The following STK32C variants were observed in gnomAD, a reference collection of about 807,000 sequenced individuals.
STK32C encodes the protein serine/threonine kinase 32C.
STK32C carries 31 observed loss-of-function variants against 56.5 expected under a neutral mutation model. The observed-to-expected ratio is 0.55, with a 90% confidence interval of 0.41 to 0.74. The LOEUF (loss-of-function observed/expected upper bound fraction) is 0.74. STK32C is among the 30% of genes least tolerant of loss of function. The pLI is 0.00. For synonymous variants in STK32C, 309 were observed against 289.4 expected (o/e 1.07, Z -0.69); for missense variants, 544 against 676.9 (o/e 0.80, Z 2.18).
chr10:132,307,786 C>T lies in STK32C; in HGVS notation c.48G>A (p.Pro16=), dbSNP rs2066125150. 1.0e-6 allele frequency: 1 copy of T among 993,198 alleles called. No individual in the cohort carries two copies. Among genetic ancestry groups the T allele is most frequent in the Non-Finnish European group, 1.2e-6 (1 of 836,916 alleles). 61.5% of individuals were successfully genotyped at this position (993,198 alleles called of 1,614,324 possible). ...GCGCGCGGCCGGGGGGCGGCGAGCC[C>T]GGGGACGCCGCGGCGCTGCTGCCCC... ...ERRGSSAAAS[P]GSPPPGRARP... Residue 16 remains proline, a synonymous_variant, in exon 1 of 12, where the codon CCG becomes CCA. Transcript: ENST00000298630. This position sits in a 1 kb window ranked among gnomAD's most constrained non-coding sequence, Gnocchi z 4.4.
At chr10:132,304,558 CAAAG>C (rs1490203194) in intron 1 of STK32C, among the ~76,000 whole-genome samples, 1 of 152,202 alleles carries the variant, frequency 6.6e-6, no homozygotes, top group Non-Finnish European at 1.5e-5. Context: ...CTTCTGCTAA[CAAAG>C]AGAGAGTGTT....
At chr10:132,327,537 A>C (rs561616380) in intron 1 of STK32C, among the ~76,000 whole-genome samples, 1 of 151,902 alleles carries the variant, frequency 6.6e-6, no homozygotes, top group South Asian at 2.1e-4. Flanking sequence ...GTGCAGTGGC[A>C]TGCTCTCGGC....
At chr10:132,305,421 A>G (rs1424432997) in intron 1 of STK32C, among the ~76,000 whole-genome samples, 1 of 152,194 alleles carries the variant, frequency 6.6e-6, no homozygotes, top group Non-Finnish European at 1.5e-5. Flanking sequence ...ACTAAATTTG[A>G]TATATTAATT....
At chr10:132,327,723 C>A (rs550258968) in intron 1 of STK32C, among the ~76,000 whole-genome samples, 1 of 152,076 alleles carries the variant, frequency 6.6e-6, no homozygotes, top group East Asian at 1.9e-4. Flanking sequence ...GTGATCCGCC[C>A]GCCTCAGCCT....
At chr10:132,267,983 G>A (rs1338528650) in intron 1 of STK32C, among the ~76,000 whole-genome samples, 4 of 37,228 alleles carry the variant, frequency 1.1e-4, no homozygotes, top group Admixed American at 2.1e-4. Flanking sequence ...GTCCCACATC[G>A]TGTGTGTGTG....
At chr10:132,280,287 G>C (rs537296072) in intron 1 of STK32C, among the ~76,000 whole-genome samples, 236 of 139,120 alleles carry the variant, frequency 1.7e-3, no homozygotes, top group African/African-American at 6.3e-3. Context: ...TGCACCCCGT[G>C]ACCACGCCCC....
At chr10:132,324,376 A>G (rs2066460009) in intron 1 of STK32C, 1 of 776,536 alleles carries the variant, frequency 1.3e-6, no homozygotes, top group African/African-American at 1.7e-5. Context: ...CAGAAGACCT[A>G]TATGAGGAAA....
At chr10:132,283,620 G>T (rs973217719) in intron 1 of STK32C, among the ~76,000 whole-genome samples, 1 of 152,234 alleles carries the variant, frequency 6.6e-6, no homozygotes, top group African/African-American at 2.4e-5. Flanking sequence ...GCAGGTCTGG[G>T]CCCGGTTTTG....
chr10:132,307,890 C>T lies in STK32C; in HGVS notation c.-57G>A, dbSNP rs2066129031. ...CTCGGGGCATGGCCGGCCGGCAGGG[C>T]CGGGAGCGGCAGTGGTAGCGGGAGC... On this transcript the variant is annotated 5_prime_UTR_variant, in exon 1 of 12. Transcript: ENST00000298630. This position sits in a 1 kb window ranked among gnomAD's most constrained non-coding sequence, Gnocchi z 4.4. The T allele has an allele frequency of 1.8e-6, 2 of 1,134,090 alleles. No homozygotes were observed. The highest frequency in any genetic ancestry group is 1.7e-5 in the African/African-American group (1 of 58,208). The allele number at this position is 1,134,090 out of a possible 1,614,324, so 70.3% of individuals were successfully genotyped here. A position where few individuals can be genotyped will look rare whatever the true frequency, so the allele number is the denominator to read the frequency against.
At chr10:132,278,859 AC>A (rs1301707388) in intron 1 of STK32C, among the ~76,000 whole-genome samples, 1 of 152,188 alleles carries the variant, frequency 6.6e-6, no homozygotes, top group Non-Finnish European at 1.5e-5. Flanking sequence ...AGGAACTTAT[AC>A]AGATTATTGA....
intron 1 of STK32C, among the ~76,000 whole-genome samples, chr10:132,253,573 TG>T (rs2063997630): frequency 4.9e-5 from 5 of 101,796 alleles, no homozygotes; most frequent in African/African-American, 2.6e-4. Flanking sequence ...TCGAGGGAGC[TG>T]GAGGGAGCTG....
intron 10 of STK32C, among the ~76,000 whole-genome samples, chr10:132,216,467 CA>C (rs35942990): frequency 0.12 from 15,028 of 121,260 alleles, 944 homozygotes; most frequent in South Asian, 0.18. Context: ...AAGACTGTCT[CA>C]AAAAAAAAAA....
rs772598234 is a variant in STK32C, at chr10:132,222,884, C to T, written c.1096G>A (p.Val366Met). ...VLWDHLSEKR[V>M]EPGFVPNKGR... is the part of the protein sequence containing the mutation. ...ACGTTGGGCACGAAGCCCGGCTCCA[C>T]CCTCTTCTCGCTCAGGTGGTCCCAC... is the stretch of plus-strand genomic sequence containing the variant. The change falls in exon 9 of 12, where the codon GTG (valine) becomes ATG (methionine). Residue 366 changes from valine to methionine, a missense_variant. This residue lies in a region of STK32C where 277 missense variants were observed against 309.3 expected (regional missense o/e 0.90). Coordinates refer to ENST00000298630, the MANE Select transcript of STK32C (RefSeq NM_173575.4). 3 of 1,574,510 alleles carry T rather than the reference C, an allele frequency of 1.9e-6. No individual in the cohort carries two copies. The highest frequency in any genetic ancestry group is 2.6e-6 in the Non-Finnish European group (3 of 1,163,106).
chr10:132,318,386 C>T (rs1038165788), intron 1 of STK32C, among the ~76,000 whole-genome samples: 3 of 151,930 alleles, frequency 2.0e-5, no homozygotes, highest in African/African-American at 4.8e-5. Flanking sequence ...GAGGCCGAGG[C>T]GGGCAGATCA....
At chr10:132,212,183 G>T (rs1034543644) in intron 10 of STK32C, among the ~76,000 whole-genome samples, 1 of 152,202 alleles carries the variant, frequency 6.6e-6, no homozygotes, top group Non-Finnish European at 1.5e-5. Flanking sequence ...GGGATTCACA[G>T]ATCCTGATTT....
At chr10:132,290,476 T>C (rs1211212160) in intron 1 of STK32C, among the ~76,000 whole-genome samples, 2 of 152,202 alleles carry the variant, frequency 1.3e-5, no homozygotes, top group Admixed American at 1.3e-4. Flanking sequence ...GAGGATGCGA[T>C]TACTGTGCAC....
chr10:132,226,740 C>T, intron 4 of STK32C, 55 bp downstream of exon 4: 1 of 1,586,836 alleles, frequency 6.3e-7, no homozygotes, highest in Non-Finnish European at 8.6e-7. Flanking sequence ...TGACCTAAGG[C>T]TGCTTCAGCC....
At chr10:132,260,947 A>C (rs1029096913) in intron 1 of STK32C, among the ~76,000 whole-genome samples, 4 of 152,222 alleles carry the variant, frequency 2.6e-5, no homozygotes, top group Non-Finnish European at 4.4e-5. Flanking sequence ...GCGGGCCCCC[A>C]GCAGGCCCCT....
chr10:132,277,253 G>A (rs777220960), intron 1 of STK32C, among the ~76,000 whole-genome samples: 1 of 152,096 alleles, frequency 6.6e-6, no homozygotes, highest in Non-Finnish European at 1.5e-5. Flanking sequence ...GGCCCTCCAC[G>A]AGAGCCGCTG....
Sources: allele counts gnomAD v4.1 joint callset (sites outside exome capture counted in the v4.1 genomes callset), GRCh38; gene constraint gnomAD v4.1.1; regional missense constraint gnomAD v4.1.1; non-coding constraint Gnocchi (gnomAD v3.1); transcripts MANE v1.5; gene names NCBI Gene and HGNC (gene_info 2026-07-23, HGNC 2026-07-21).